The following NDST4 variants were observed in gnomAD, a reference collection of about 807,000 sequenced individuals.
The protein encoded by NDST4 is N-deacetylase and N-sulfotransferase 4.
A neutral mutation model predicts 100.8 loss-of-function variants in NDST4; 63 were observed. The ratio of observed to expected loss-of-function variants is 0.62; its 90% CI spans 0.51 to 0.77. The LOEUF (loss-of-function observed/expected upper bound fraction) is 0.77, where lower values mean the gene tolerates loss of function less well. Ranked by LOEUF, NDST4 falls within the 30% of genes least tolerant of loss-of-function variation. The probability of loss-of-function intolerance (pLI) is 0.00; values close to 1 mark genes in which losing one functional copy is unlikely to be tolerated. For missense variants in NDST4, 943 were observed against 1,018.4 expected, an observed-to-expected ratio of 0.93 and a Z score of 1.01; for synonymous variants, 377 against 361.8, an observed-to-expected ratio of 1.04 and a Z score of -0.48.
chr4:114,885,991 A>G (rs1296048986), intron 6 of NDST4, among the ~76,000 whole-genome samples: 1 of 152,072 alleles, frequency 6.6e-6, no homozygotes, highest in Admixed American at 6.6e-5. Context: ...ACACATTTCT[A>G]GAAAGACCAC....
rs1553918287 is a variant in NDST4 at position 115,022,426 on chromosome 4, A to ATATGTGTTCCATATATG, written c.979-45153_979-45152insCATATATGGAACACATA. 1.8e-5 allele frequency among the ~76,000 whole-genome samples: 2 copies of ATATGTGTTCCATATATG among 111,978 alleles called. 1 individual carries two copies. The highest frequency in any genetic ancestry group is 4.4e-5 in the Non-Finnish European group (2 of 45,788). 73.5% of individuals were successfully genotyped at this position (111,978 alleles called of 152,430 possible). ...TTCCATATATATGTGTTCCATATAT[A>ATATGTGTTCCATATATG]TGTGTTCCATATATATGTGTTCCAT... On this transcript the variant is annotated intron_variant, in intron 2 of 13. Coordinates refer to ENST00000264363, the MANE Select transcript of NDST4 (RefSeq NM_022569.3).
intron 6 of NDST4, among the ~76,000 whole-genome samples, chr4:114,886,293 C>T (rs1275334333): frequency 1.3e-5 from 2 of 152,056 alleles, no homozygotes; most frequent in Non-Finnish European, 2.9e-5. Flanking sequence ...TAGAAAAAGT[C>T]AAGAAGTGCT....
intron 3 of NDST4, among the ~76,000 whole-genome samples, chr4:114,976,350 T>G (rs1048575536): frequency 3.3e-5 from 5 of 152,032 alleles, no homozygotes; most frequent in Non-Finnish European, 5.9e-5. Context: ...AAGCAGATTA[T>G]AGGTATTCCC....
At chr4:115,088,223 C>T (rs1466287556) in intron 1 of NDST4, among the ~76,000 whole-genome samples, 3 of 151,888 alleles carry the variant, frequency 2.0e-5, no homozygotes, top group Non-Finnish European at 4.4e-5. Context: ...GGGAGCCAAG[C>T]TGACTCCCTC....
intron 6 of NDST4, among the ~76,000 whole-genome samples, chr4:114,882,933 G>C (rs1452891422): frequency 6.6e-6 from 1 of 151,860 alleles, no homozygotes; most frequent in Admixed American, 6.6e-5. Flanking sequence ...CAAGAAGAGA[G>C]TGGAATAAAA....
chr4:114,843,311 A>C (rs1172486956), intron 10 of NDST4, among the ~76,000 whole-genome samples: 1 of 152,072 alleles, frequency 6.6e-6, no homozygotes, highest in Non-Finnish European at 1.5e-5. Context: ...CATCTAAGCC[A>C]TTTCCTATAG....
intron 4 of NDST4, among the ~76,000 whole-genome samples, chr4:114,940,099 ACT>A (rs1725716822): frequency 6.6e-6 from 1 of 152,326 alleles, no homozygotes; most frequent in South Asian, 2.1e-4. Flanking sequence ...AGCACTTGAG[ACT>A]CTATAAATAT....
chr4:114,925,864 C>A (rs1236532365), intron 6 of NDST4, among the ~76,000 whole-genome samples: 1 of 152,106 alleles, frequency 6.6e-6, no homozygotes, highest in Non-Finnish European at 1.5e-5. Context: ...CTTTGTGTAG[C>A]ATGAAATTAA....
intron 2 of NDST4, among the ~76,000 whole-genome samples, chr4:115,050,423 C>CAA (rs917914485): frequency 2.0e-5 from 3 of 151,898 alleles, no homozygotes; most frequent in African/African-American, 7.3e-5. Context: ...CACACACACA[C>CAA]ACCATGACAC....
chr4:114,914,849 T>C (rs141921882), intron 6 of NDST4, among the ~76,000 whole-genome samples: 5 of 152,252 alleles, frequency 3.3e-5, no homozygotes, highest in African/African-American at 1.2e-4. Flanking sequence ...TTCCCTTTAA[T>C]GTTTCATTAA....
chr4:114,977,822 T>C lies in NDST4; in HGVS notation c.979-548A>G, dbSNP rs536676317. ...TATAGGACATTGCTTGCAAACCTAG[T>C]TATGAAAAAGGGAAGAACATGTAAA... On this transcript the variant is annotated intron_variant, in intron 2 of 13. Coordinates refer to ENST00000264363, the MANE Select transcript of NDST4 (RefSeq NM_022569.3). Among the ~76,000 whole-genome samples the C allele has an allele frequency of 9.9e-5, 15 of 152,092 alleles. No homozygotes were observed. In the East Asian group the frequency reaches 2.7e-3, roughly 27 times the overall value.
At chr4:115,035,604 C>T (rs1034907418) in intron 2 of NDST4, among the ~76,000 whole-genome samples, 2 of 152,022 alleles carry the variant, frequency 1.3e-5, no homozygotes, top group Non-Finnish European at 2.9e-5. Flanking sequence ...TATTAAAATA[C>T]ATGCTGTGTT....
chr4:114,992,784 G>T (rs1341983461), intron 2 of NDST4, among the ~76,000 whole-genome samples: 1 of 151,586 alleles, frequency 6.6e-6, no homozygotes, highest in African/African-American at 2.4e-5. Context: ...ATTTAGAAAG[G>T]GGTGTTGCTT....
intron 1 of NDST4, among the ~76,000 whole-genome samples, chr4:115,106,028 C>T (rs1326364369): frequency 6.6e-6 from 1 of 151,990 alleles, no homozygotes; most frequent in Non-Finnish European, 1.5e-5. Flanking sequence ...AGCATTTCTG[C>T]CATCAAAAAG....
intron 1 of NDST4, among the ~76,000 whole-genome samples, chr4:115,112,347 A>G (rs1729972541): frequency 6.6e-6 from 1 of 151,922 alleles, no homozygotes; most frequent in Admixed American, 6.6e-5. Flanking sequence ...GTTGTTGGTG[A>G]GAAAGTGGAA....
rs887477521 is a variant in NDST4, at chr4:114,845,884, G to A, written c.2054C>T (p.Pro685Leu). The part of the protein sequence containing the change: ...EAPRRAASLV[P>L]KAKIITILID... ...GAGGATGGTGATGATCTTGGCTTTG[G>A]GGACAAGAGATGCGGCTCGTCTTGG... The change falls in exon 10 of 14, where the codon CCC becomes CTC. Residue 685 changes from proline to leucine, a missense_variant. Physicochemically the swap from Pro to Leu is moderately conservative, Grantham distance 98 (BLOSUM62 -3). Around this residue, in one of 2 missense-constraint regions of NDST4, gnomAD observed 526 missense variants for 634.1 expected, o/e 0.83. Transcript: ENST00000264363. 6.2e-7 allele frequency: 1 copy of A among 1,614,100 alleles called. No individual in the cohort carries two copies. The highest frequency in any genetic ancestry group is 8.5e-7 in the Non-Finnish European group (1 of 1,180,002).
chr4:114,835,958 T>C (rs767525665), intron 11 of NDST4, among the ~76,000 whole-genome samples: 8 of 152,182 alleles, frequency 5.3e-5, no homozygotes, highest in Non-Finnish European at 1.2e-4. Context: ...TTCTTTCCAC[T>C]TGCTTTGTAA....
chr4:114,871,037 A>G, intron 6 of NDST4, 87 bp from the exon 7 acceptor site: 1 of 868,054 alleles, frequency 1.2e-6, no homozygotes. Flanking sequence ...ACCTCACCTC[A>G]CCTTGGAATT....
chr4:115,055,640 G>A (rs997828862), intron 2 of NDST4, among the ~76,000 whole-genome samples: 1 of 152,078 alleles, frequency 6.6e-6, no homozygotes, highest in African/African-American at 2.4e-5. Context: ...ACTTATTACT[G>A]TGGCTCAATG....
Sources: gnomAD v4.1 joint callset for allele counts (sites outside exome capture counted in the v4.1 genomes callset) on GRCh38, gnomAD v4.1.1 for gene constraint, gnomAD v4.1.1 regional missense constraint, MANE v1.5 for transcripts, NCBI Gene and HGNC (gene_info 2026-07-23, HGNC 2026-07-21) for gene names.